Variants in CEP85 observed in about 807,000 individuals in gnomAD.
The protein encoded by CEP85 is centrosomal protein of 85 kDa.
CEP85 carries 58 observed loss-of-function variants against 93.7 expected under a neutral mutation model. The ratio of observed to expected loss-of-function variants is 0.62; its 90% CI spans 0.50 to 0.77. The LOEUF is 0.77. Among genes scored for constraint, CEP85 ranks in the 30% least tolerant of loss-of-function variants. CEP85 has a pLI of 0.00. For missense variants in CEP85, 868 were observed against 922.0 expected, an observed-to-expected ratio of 0.94 and a Z score of 0.76; for synonymous variants, 314 against 338.6, an observed-to-expected ratio of 0.93 and a Z score of 0.80.
intron 3 of CEP85, among the ~76,000 whole-genome samples, chr1:26,251,419 T>C (rs886131489): frequency 6.6e-6 from 1 of 151,874 alleles, no homozygotes; most frequent in African/African-American, 2.4e-5. Flanking sequence ...GCCCAGCTAA[T>C]CTTGTATTTT....
rs1267301685 is a variant in CEP85 at position 26,278,778 on chromosome 1, T to TTTGA, written c.*1488_*1491dup. 6.6e-6 allele frequency: 1 copy of TTTGA among 152,498 alleles called. No individual in the cohort carries two copies. The highest frequency in any genetic ancestry group is 1.5e-5 in the Non-Finnish European group (1 of 68,046). The allele number at this position is 152,498 out of a possible 1,614,324, so 9.4% of individuals were successfully genotyped here. A position where few individuals can be genotyped will look rare whatever the true frequency, so the allele number is the denominator to read the frequency against. ...ATGTCCATTTGTTTGTATTGCGTAT[T>TTTGA]TTGATTATAAAATAAAGTATCTTAA... On this transcript the variant is annotated 3_prime_UTR_variant, in exon 14 of 14. Transcript: ENST00000451429.
chr1:26,269,570 A>T lies in CEP85; in HGVS notation c.1605A>T (p.Glu535Asp). ...GCAGAGAGAAGGAGATTCAACTGGA[A>T]AGCCTGAGGCAGAGAGAAGCAGAAT... ...AICREKEIQL[E>D]SLRQREAEFS... is the part of the protein sequence containing the mutation. Residue 535 changes from glutamate to aspartate, a missense_variant, in exon 9 of 14, where the codon GAA becomes GAT. Physicochemically the swap from Glu to Asp is conservative, Grantham distance 45 (BLOSUM62 2). Coordinates refer to ENST00000451429, the MANE Select transcript of CEP85 (RefSeq NM_001319944.2). 6.2e-7 allele frequency: 1 copy of T among 1,614,110 alleles called. No homozygotes were observed. The highest frequency in any genetic ancestry group is 8.5e-7 in the Non-Finnish European group (1 of 1,180,008).
In CEP85 at chr1:26,278,568, G is replaced by A. The variant is rs1297683601; in HGVS notation, c.*1275G>A. On this transcript the variant is annotated 3_prime_UTR_variant, in exon 14 of 14. Transcript: ENST00000451429. ...TTTACAAGTTTGTGTTTTATTTATG[G>A]AGTGACTTATCCCTTCCATTCAGAG... 1 of 152,612 alleles carries A rather than the reference G, an allele frequency of 6.6e-6. No homozygotes were observed. Among genetic ancestry groups the A allele is most frequent in the Non-Finnish European group, 1.5e-5 (1 of 68,034 alleles). The allele number at this position is 152,612 out of a possible 1,614,324, so 9.5% of individuals were successfully genotyped here. A position where few individuals can be genotyped will look rare whatever the true frequency, so the allele number is the denominator to read the frequency against.
Position 26,262,694 on chromosome 1 carries a change from A to G in CEP85, c.1341+2892A>G, listed in dbSNP as rs546621961. 9.8e-5 allele frequency among the ~76,000 whole-genome samples: 15 copies of G among 152,312 alleles called. No individual in the cohort carries two copies. The East Asian group carries it at 1.7e-3, about 18-fold the overall frequency. On this transcript the variant is annotated intron_variant, in intron 7 of 13. Transcript: ENST00000451429. ...GGCTAAAAATATTTTAGAAAAATCAAACGGCACCTGCAACACACTCTTAAA... is the reference window on the plus strand; with the variant it reads ...GGCTAAAAATATTTTAGAAAAATCAGACGGCACCTGCAACACACTCTTAAA...
intron 2 of CEP85, among the ~76,000 whole-genome samples, chr1:26,243,525 A>T (rs1340285786): frequency 6.6e-6 from 1 of 152,296 alleles, no homozygotes; most frequent in Admixed American, 6.5e-5. Context: ...TAGGGGTGGT[A>T]ATACTTTTCA....
At position 26,268,572 on chromosome 1, in the gene CEP85, G is replaced by A. The variant is rs2089926733; in HGVS notation, c.1431G>A (p.Glu477=). ...ACCGGGAGAAGCAGCAGCGTATTGAGACCTTGGAGCGCTACCTGGCTGACC... is the reference window on the plus strand; with the variant it reads ...ACCGGGAGAAGCAGCAGCGTATTGAAACCTTGGAGCGCTACCTGGCTGACC... The part of the protein sequence containing the change: ...EQNREKQQRI[E]TLERYLADLP... The change falls in exon 8 of 14, where the codon GAG becomes GAA. Residue 477 remains glutamate, a synonymous_variant. Coordinates refer to ENST00000451429, the MANE Select transcript of CEP85 (RefSeq NM_001319944.2). The A allele has an allele frequency of 6.2e-7, 1 of 1,613,984 alleles. No homozygotes were observed. The highest frequency in any genetic ancestry group is 1.3e-5 in the African/African-American group (1 of 74,936).
chr1:26,255,804 G>A lies in CEP85; in HGVS notation c.842G>A (p.Cys281Tyr), dbSNP rs1413567604. ...PDTWHPREQS[C>Y]ELSTCRQQLE... ...ACTTGGCATCCCCGAGAGCAATCTTGTGAACTCAGCACTTGTCGGCAGCAG... is the reference window on the plus strand; with the variant it reads ...ACTTGGCATCCCCGAGAGCAATCTTATGAACTCAGCACTTGTCGGCAGCAG... Residue 281 changes from cysteine to tyrosine, a missense_variant, in exon 4 of 14, where the codon TGT (cysteine) becomes TAT (tyrosine). Transcript: ENST00000451429. 1 of 1,614,074 alleles carries A rather than the reference G, an allele frequency of 6.2e-7. No homozygotes were observed. The highest frequency in any genetic ancestry group is 1.1e-5 in the South Asian group (1 of 91,078).
chr1:26,239,937 G>A, intron 2 of CEP85, 99 bp downstream of exon 2: 1 of 873,988 alleles, frequency 1.1e-6, no homozygotes, highest in Admixed American at 2.1e-5. Flanking sequence ...TCACTGAAAT[G>A]CTGGTGCTAA....
chr1:26,273,929 T>TA (rs770032743), intron 11 of CEP85, among the ~76,000 whole-genome samples: 1 of 142,514 alleles, frequency 7.0e-6, no homozygotes. Flanking sequence ...AATAAATAAA[T>TA]AAAATATATA....
At chr1:26,234,696 G>T (rs1229747116) in intron 1 of CEP85, among the ~76,000 whole-genome samples, 1 of 152,220 alleles carries the variant, frequency 6.6e-6, no homozygotes, top group Non-Finnish European at 1.5e-5. Context: ...ATCTTACAAA[G>T]AGCGCAAAAC....
chr1:26,250,906 A>G (rs2089596839), intron 3 of CEP85, among the ~76,000 whole-genome samples: 1 of 147,380 alleles, frequency 6.8e-6, no homozygotes, highest in African/African-American at 2.5e-5. Context: ...AGAGTGAGCC[A>G]AGCTTGCCTT....
intron 2 of CEP85, among the ~76,000 whole-genome samples, chr1:26,242,637 G>A (rs552681584): frequency 2.0e-5 from 3 of 152,194 alleles, no homozygotes; most frequent in African/African-American, 7.2e-5. Flanking sequence ...TGGAAGAAAG[G>A]AATAAAGTAA....
Position 26,259,536 on chromosome 1 carries a change from C to T in CEP85, c.1156-81C>T, listed in dbSNP as rs902885498. ...TTCTTGGAGAAAAATGATATTTGAC[C>T]GTGAAGTATGCTGGGAATAAGTAAA... On this transcript the variant is annotated intron_variant, in intron 6 of 13. Coordinates refer to ENST00000451429, the MANE Select transcript of CEP85 (RefSeq NM_001319944.2). The T allele has an allele frequency of 4.8e-5, 61 of 1,270,660 alleles. No individual in the cohort carries two copies. In the African/African-American group the frequency reaches 5.3e-4, roughly 11 times the overall value. 78.7% of individuals were successfully genotyped at this position (1,270,660 alleles called of 1,614,324 possible).
chr1:26,263,691 G>C (rs11247890), intron 7 of CEP85, among the ~76,000 whole-genome samples: 1 of 151,138 alleles, frequency 6.6e-6, no homozygotes, highest in African/African-American at 2.4e-5. Context: ...AAAAAAAAAA[G>C]GAAAAAGATC....
intron 4 of CEP85, among the ~76,000 whole-genome samples, chr1:26,256,997 C>G (rs1014484239): frequency 8.0e-5 from 12 of 150,556 alleles, no homozygotes; most frequent in African/African-American, 2.7e-4. Context: ...GTGGCATGAT[C>G]TTGGCTCACT....
chr1:26,276,444 C>T (rs2090053213), intron 12 of CEP85, 91 bp from the exon 13 acceptor site: 8 of 995,680 alleles, frequency 8.0e-6, no homozygotes, highest in Non-Finnish European at 1.2e-5. Flanking sequence ...GCCTATGACT[C>T]ACCCATCCCT....
At chr1:26,261,320 A>C (rs1557661501) in intron 7 of CEP85, among the ~76,000 whole-genome samples, 1 of 151,840 alleles carries the variant, frequency 6.6e-6, no homozygotes, top group Non-Finnish European at 1.5e-5. Flanking sequence ...TAAAAATACA[A>C]AATTAGCTGG....
chr1:26,257,486 T>C, intron 4 of CEP85, 111 bp from the exon 5 acceptor site: 1 of 1,305,698 alleles, frequency 7.7e-7, no homozygotes, highest in Non-Finnish European at 1.1e-6. Context: ...TTGGGCCTCA[T>C]CAGGCTGAGC....
chr1:26,238,344 G>A (rs535700444), intron 1 of CEP85, among the ~76,000 whole-genome samples: 313 of 151,700 alleles, frequency 2.1e-3, no homozygotes, highest in African/African-American at 6.7e-3. Context: ...GGGATTACAG[G>A]CGCCTGCCAC....
Sources: allele counts gnomAD v4.1 joint callset (sites outside exome capture counted in the v4.1 genomes callset), GRCh38; gene constraint gnomAD v4.1.1; transcripts MANE v1.5; gene names NCBI Gene and HGNC (gene_info 2026-07-23, HGNC 2026-07-21).